PLCG2: variants seen among roughly 807,000 people sequenced by gnomAD.
PLCG2 encodes the protein 1-phosphatidylinositol 4,5-bisphosphate phosphodiesterase gamma-2.
In PLCG2, 69 loss-of-function variants were observed where a neutral mutation model predicts 175.6. The observed-to-expected ratio is 0.39, with a 90% CI of 0.32 to 0.48. The LOEUF is 0.48. Among genes scored for constraint, PLCG2 ranks in the 20% least tolerant of loss-of-function variants. The probability of loss-of-function intolerance (pLI) is 0.91; values close to 1 mark genes in which losing one functional copy is unlikely to be tolerated. For missense variants in PLCG2, 1,798 were observed against 1,650.9 expected, an observed-to-expected ratio of 1.09 and a Z score of -1.54; for synonymous variants, 827 against 624.0, an observed-to-expected ratio of 1.33 and a Z score of -4.85.
chr16:81,935,269 T>C (rs1910660121), intron 26 of PLCG2, among the ~76,000 whole-genome samples: 1 of 152,132 alleles, frequency 6.6e-6, no homozygotes, highest in Non-Finnish European at 1.5e-5. Flanking sequence ...TGCTTCCCTA[T>C]TATAAGGACC....
intron 2 of PLCG2, among the ~76,000 whole-genome samples, chr16:81,772,651 A>G (rs975128596): frequency 1.1e-5 from 1 of 92,224 alleles, no homozygotes; most frequent in Non-Finnish European, 2.6e-5. Flanking sequence ...TTCTACTAAA[A>G]ATACAAAAAA....
At chr16:81,788,394 C>G (rs1253017457) in intron 2 of PLCG2, among the ~76,000 whole-genome samples, 1 of 152,172 alleles carries the variant, frequency 6.6e-6, no homozygotes, top group Non-Finnish European at 1.5e-5. Context: ...CATTCTCCTG[C>G]CTCAGCCTCC....
chr16:81,939,221 G>A (rs1828990103), intron 29 of PLCG2, among the ~76,000 whole-genome samples: 1 of 152,086 alleles, frequency 6.6e-6, no homozygotes, highest in African/African-American at 2.4e-5. Flanking sequence ...TGAGTCAAAG[G>A]CCAAGAGGCA....
intron 7 of PLCG2, among the ~76,000 whole-genome samples, chr16:81,873,960 T>G (rs1013084955): frequency 6.6e-6 from 1 of 152,100 alleles, no homozygotes; most frequent in Non-Finnish European, 1.5e-5. Context: ...AAACATAAAT[T>G]GGAATCAGAG....
intron 5 of PLCG2, among the ~76,000 whole-genome samples, chr16:81,861,633 A>C (rs1906986137): frequency 6.6e-6 from 1 of 152,056 alleles, no homozygotes; most frequent in East Asian, 1.9e-4. Flanking sequence ...GATTTGGTAC[A>C]CACTGGTCTC....
rs1907695346 is a variant in PLCG2 at position 81,874,948 on chromosome 16, G to GTTTTTTTGTTTTTTTGTTCTTTTT, written c.648+4020_648+4021insGTTTTTTTGTTCTTTTTTTTTTTT. The stretch of plus-strand genomic sequence containing the variant: ...CTATTTGCTAGGCACTATCCTATGT[G>GTTTTTTTGTTTTTTTGTTCTTTTT]TTTTTTTTTTTTTTTTTTTTTTTTT... On this transcript the variant is annotated intron_variant, in intron 7 of 32. Transcript: ENST00000564138. 3.2e-4 allele frequency among the ~76,000 whole-genome samples: 13 copies of GTTTTTTTGTTTTTTTGTTCTTTTT among 40,772 alleles called. 1 individual carries two copies. The highest frequency in any genetic ancestry group is 3.2e-4 in the Admixed American group (1 of 3,130). The allele number at this position is 40,772 out of a possible 152,430, so 26.7% of individuals were successfully genotyped here.
At chr16:81,748,164 C>T (rs952486680) in intron 1 of PLCG2, among the ~76,000 whole-genome samples, 5 of 152,166 alleles carry the variant, frequency 3.3e-5, no homozygotes, top group South Asian at 2.1e-4. Flanking sequence ...CCTGCGCCAC[C>T]GCACCCGGCC....
intron 5 of PLCG2, among the ~76,000 whole-genome samples, chr16:81,867,798 C>A (rs376136289): frequency 5.9e-5 from 9 of 152,092 alleles, no homozygotes; most frequent in Non-Finnish European, 7.4e-5. Context: ...CCCGAATTCA[C>A]GCCATTCTTC....
intron 2 of PLCG2, among the ~76,000 whole-genome samples, chr16:81,789,854 C>CG (rs397951385): frequency 1.3e-5 from 2 of 151,604 alleles, no homozygotes; most frequent in Non-Finnish European, 2.9e-5. Flanking sequence ...GCCCCCCCTC[C>CG]ATTGCCTCCC....
intron 2 of PLCG2, among the ~76,000 whole-genome samples, chr16:81,838,368 T>C (rs1017445624): frequency 6.6e-6 from 1 of 152,216 alleles, no homozygotes; most frequent in African/African-American, 2.4e-5. Flanking sequence ...ATTACAGGCA[T>C]GAGCCGCCGT....
intron 2 of PLCG2, among the ~76,000 whole-genome samples, chr16:81,820,054 G>T (rs1904726496): frequency 6.6e-6 from 1 of 152,204 alleles, no homozygotes; most frequent in South Asian, 2.1e-4. Flanking sequence ...TTGCTTTTCT[G>T]TGAAGATGTC....
chr16:81,926,935 C>T (rs1758385600), intron 22 of PLCG2, 147 bp from the exon 23 acceptor site: 1 of 643,332 alleles, frequency 1.6e-6, no homozygotes, highest in Admixed American at 2.5e-5. Context: ...TTGAGATGCT[C>T]CATTGTCACA....
At chr16:81,803,625 TTTTCTTCTTCCCTCCC>T (rs1189526201) in intron 2 of PLCG2, among the ~76,000 whole-genome samples, 1 of 113,282 alleles carries the variant, frequency 8.8e-6, no homozygotes, top group Non-Finnish European at 1.8e-5. Context: ...TTTTCCTTTC[TTTTCTTCTTCCCTCCC>T]TCCCTCCCTC....
chr16:81,907,828 C>A (rs1411033952), intron 16 of PLCG2, 54 bp downstream of exon 16: 5 of 1,334,428 alleles, frequency 3.7e-6, no homozygotes, highest in South Asian at 1.2e-5. Flanking sequence ...CCCCGAGGAC[C>A]AGCCAGTCCC....
chr16:81,793,163 T>C (rs1911315227), intron 2 of PLCG2, among the ~76,000 whole-genome samples: 1 of 152,208 alleles, frequency 6.6e-6, no homozygotes. Context: ...AGGTTCCCTA[T>C]TGCTTTCCAG....
intron 5 of PLCG2, among the ~76,000 whole-genome samples, chr16:81,859,646 T>C (rs1439399342): frequency 6.6e-6 from 1 of 152,046 alleles, no homozygotes; most frequent in Non-Finnish European, 1.5e-5. Flanking sequence ...GCCATTCTCC[T>C]GCCTCAGCCT....
At chr16:81,803,808 A>G (rs1040944581) in intron 2 of PLCG2, among the ~76,000 whole-genome samples, 3 of 151,820 alleles carry the variant, frequency 2.0e-5, no homozygotes, top group East Asian at 3.9e-4. Flanking sequence ...CAGCCTCCTG[A>G]GTGGCTGGGA....
chr16:81,825,506 G>A (rs1905011000), intron 2 of PLCG2, among the ~76,000 whole-genome samples: 1 of 151,980 alleles, frequency 6.6e-6, no homozygotes, highest in Non-Finnish European at 1.5e-5. Context: ...TGTTGGCCAG[G>A]CTGGTCTCCA....
chr16:81,786,591 G>A (rs1017762754), intron 2 of PLCG2, among the ~76,000 whole-genome samples: 4 of 152,168 alleles, frequency 2.6e-5, no homozygotes, highest in Non-Finnish European at 5.9e-5. Context: ...TTGTTTTACT[G>A]CATACCATAG....
Sources: gnomAD v4.1 joint callset for allele counts (sites outside exome capture counted in the v4.1 genomes callset) on GRCh38, gnomAD v4.1.1 for gene constraint, MANE v1.5 for transcripts, NCBI Gene and HGNC (gene_info 2026-07-23, HGNC 2026-07-21) for gene names.